The following PDGFRA variants were observed in gnomAD, a reference collection of about 807,000 sequenced individuals.
PDGFRA encodes the protein platelet derived growth factor receptor alpha, also known as platelet-derived growth factor receptor alpha.
PDGFRA carries 25 observed loss-of-function variants against 121.5 expected under a neutral mutation model. The ratio of observed to expected loss-of-function variants is 0.21; its 90% confidence interval spans 0.15 to 0.29. PDGFRA has a LOEUF of 0.29. PDGFRA is among the 10% of genes least tolerant of loss of function. The pLI is 1.00. For synonymous variants in PDGFRA, 463 were observed against 494.8 expected (o/e 0.94, Z 0.85); for missense variants, 1,008 against 1,345.1 (o/e 0.75, Z 3.92).
chr4:54,283,587 T>G (rs1157110681), intron 16 of PDGFRA, among the ~76,000 whole-genome samples: 1 of 152,258 alleles, frequency 6.6e-6, no homozygotes, highest in Non-Finnish European at 1.5e-5. Context: ...CTGAAATGCC[T>G]TAAAGGCCTT....
At chr4:54,264,205 A>G (rs898947946) in intron 4 of PDGFRA, 3 of 521,894 alleles carry the variant, frequency 5.7e-6, no homozygotes, top group Middle Eastern at 5.1e-4. Context: ...TCTTACTTTC[A>G]TTCACATTCC....
At chr4:54,281,326 G>A (rs1724067725) in intron 16 of PDGFRA, among the ~76,000 whole-genome samples, 1 of 152,112 alleles carries the variant, frequency 6.6e-6, no homozygotes, top group South Asian at 2.1e-4. Flanking sequence ...ACATTGTTTT[G>A]GAAATTATTG....
At chr4:54,241,752 T>C (rs1383781007) in intron 1 of PDGFRA, among the ~76,000 whole-genome samples, 1 of 152,026 alleles carries the variant, frequency 6.6e-6, no homozygotes, top group Non-Finnish European at 1.5e-5. Context: ...TTTCATCATG[T>C]TTGTCAGGCT....
intron 2 of PDGFRA, among the ~76,000 whole-genome samples, chr4:54,259,586 C>T (rs1458891131): frequency 2.0e-5 from 3 of 152,186 alleles, no homozygotes; most frequent in Admixed American, 6.5e-5. Context: ...TGCAGATGTT[C>T]GCCATGAAAC....
intron 1 of PDGFRA, chr4:54,240,149 G>C (rs1397966818): frequency 4.2e-6 from 1 of 238,548 alleles, no homozygotes; most frequent in Admixed American, 4.5e-5. Context: ...CACTGCACCT[G>C]GCCTCTCTTT....
chr4:54,295,945 A>C lies in PDGFRA; in HGVS notation c.*673A>C, dbSNP rs1454435576. 1 of 233,196 alleles carries C rather than the reference A, an allele frequency of 4.3e-6. No individual in the cohort carries two copies. The highest frequency in any genetic ancestry group is 8.5e-6 in the Non-Finnish European group (1 of 117,956). 14.4% of individuals were successfully genotyped at this position (233,196 alleles called of 1,614,324 possible). A position where few individuals can be genotyped will look rare whatever the true frequency, so the allele number is the denominator to read the frequency against. Reference sequence around the variant, plus strand: ...CTATGTTTATAATACTACTACTGTTATCAGTAATGCTAAATGTGTAATAAT... The same window carrying C: ...CTATGTTTATAATACTACTACTGTTCTCAGTAATGCTAAATGTGTAATAAT... On this transcript the variant is annotated 3_prime_UTR_variant, in exon 23 of 23. Transcript: ENST00000257290.
rs1325715750 is a variant in PDGFRA at position 54,285,993 on chromosome 4, C to G, written c.2562+30C>G. On this transcript the variant is annotated intron_variant, in intron 18 of 22. Transcript: ENST00000257290. ...GTCCTCACTTCCCTCACTGGTCAGG[C>G]TCATCCTCCTTCACTTTAATCTCTA... is the stretch of plus-strand genomic sequence containing the variant. 3 of 1,609,072 alleles carry G rather than the reference C, an allele frequency of 1.9e-6. No individual in the cohort carries two copies. In the African/African-American group the frequency reaches 4.0e-5, roughly 22 times the overall value.
At chr4:54,293,429 C>A (rs866769266) in intron 22 of PDGFRA, among the ~76,000 whole-genome samples, 1 of 116,146 alleles carries the variant, frequency 8.6e-6, no homozygotes, top group African/African-American at 3.3e-5. Flanking sequence ...CCTAGAATTT[C>A]TTTTTTTTTT....
rs1320051704 is a variant in PDGFRA at position 54,271,624 on chromosome 4, C to T, written c.1238-770C>T. 5.5e-5 allele frequency among the ~76,000 whole-genome samples: 8 copies of T among 144,926 alleles called. No homozygotes were observed. In the East Asian group the frequency reaches 1.7e-3, roughly 30 times the overall value. ...TCTTTTCCTTTCCTTTCTCTCCTTC[C>T]TTCCCTCTTCCCTTTTTCCTTTCTC... On this transcript the variant is annotated intron_variant, in intron 8 of 22. Coordinates refer to ENST00000257290, the MANE Select transcript of PDGFRA (RefSeq NM_006206.6).
chr4:54,285,457 C>T lies in PDGFRA; in HGVS notation c.2410C>T (p.Arg804Ter), dbSNP rs1242960071. ...GTTGAGCTTCACCTATCAAGTTGCC[C>T]GAGGAATGGAGTTTTTGGCTTCAAA... is the stretch of plus-strand genomic sequence containing the variant. ...DLLSFTYQVA[R>*]GMEFLASKNC... Residue 804 changes from arginine (R) to a stop codon, truncating the protein, a stop_gained, in exon 17 of 23, where the codon CGA becomes TGA. Coordinates refer to ENST00000257290, the MANE Select transcript of PDGFRA (RefSeq NM_006206.6). LOFTEE classifies it high-confidence loss of function. The T allele has an allele frequency of 3.9e-6, 6 of 1,558,014 alleles. No individual in the cohort carries two copies. Among genetic ancestry groups the T allele is most frequent in the Non-Finnish European group, 5.3e-6 (6 of 1,129,070 alleles).
intron 2 of PDGFRA, among the ~76,000 whole-genome samples, chr4:54,259,500 C>T (rs1337675913): frequency 6.6e-6 from 1 of 152,126 alleles, no homozygotes; most frequent in Non-Finnish European, 1.5e-5. Context: ...AAAACTTTCC[C>T]ACCAAAAGGA....
rs1722684533 is a variant in PDGFRA, at chr4:54,261,197, G to C, written c.152G>C (p.Gly51Ala). ...LNSSFSLRCF[G>A]ESEVSWQYPM... ...TCATCCTTTTCTCTGAGATGCTTTG[G>C]GGAGAGTGAAGTGAGCTGGCAGTAC... The change falls in exon 3 of 23, where the codon GGG (glycine) becomes GCG (alanine). Residue 51 changes from glycine (G) to alanine (A), a missense_variant. Transcript: ENST00000257290. 2 of 1,614,126 alleles carry C rather than the reference G, an allele frequency of 1.2e-6. No individual in the cohort carries two copies.
intron 1 of PDGFRA, among the ~76,000 whole-genome samples, chr4:54,233,658 A>G (rs182264895): frequency 2.7e-3 from 406 of 152,192 alleles, no homozygotes; most frequent in African/African-American, 8.7e-3. Flanking sequence ...CGCCGGGTGG[A>G]CGAGAGGGGG....
Position 54,238,758 on chromosome 4 carries a change from G to T in PDGFRA, c.-13+9343G>T, listed in dbSNP as rs147120567. On this transcript the variant is annotated intron_variant, in intron 1 of 22. Transcript: ENST00000257290. The stretch of plus-strand genomic sequence containing the variant: ...AGGCAGGAAGATTGCTTGAGCCCAG[G>T]ATTTCAAGATGAGCCTGGACAACAT... Among the ~76,000 whole-genome samples, 12 of 152,266 alleles carry T rather than the reference G, an allele frequency of 7.9e-5. No individual in the cohort carries two copies. The East Asian group carries it at 2.3e-3, about 29-fold the overall frequency.
At chr4:54,245,075 A>G (rs1361053882) in intron 1 of PDGFRA, among the ~76,000 whole-genome samples, 1 of 152,232 alleles carries the variant, frequency 6.6e-6, no homozygotes, top group African/African-American at 2.4e-5. Context: ...ATGTGAAAAG[A>G]CCAAATCTAC....
chr4:54,287,625 A>G (rs1301995999), intron 19 of PDGFRA, 84 bp downstream of exon 19: 1 of 773,748 alleles, frequency 1.3e-6, no homozygotes, highest in Non-Finnish European at 2.4e-6. Flanking sequence ...CCCAGGATGT[A>G]GACAGTGTTA....
Position 54,272,457 on chromosome 4 carries a change from G to A in PDGFRA, c.1301G>A (p.Arg434Lys), listed in dbSNP as rs2110287112. The A allele has an allele frequency of 6.2e-7, 1 of 1,613,894 alleles. No individual in the cohort carries two copies. Among genetic ancestry groups the A allele is most frequent in the Non-Finnish European group, 8.5e-7 (1 of 1,179,846 alleles). The part of the protein sequence containing the change: ...HHGSTGGQTV[R>K]CTAEGTPLPD... ...GGCTCAACTGGGGGACAGACGGTGA[G>A]GTGCACAGCTGAAGGCACGCCGCTT... The change falls in exon 9 of 23, where the codon AGG (arginine) becomes AAG (lysine). Residue 434 changes from arginine (R) to lysine (K), a missense_variant. Around this residue, in one of 5 missense-constraint regions of PDGFRA, gnomAD observed 575 missense variants for 701.8 expected, o/e 0.82. Transcript: ENST00000257290.
intron 1 of PDGFRA, among the ~76,000 whole-genome samples, chr4:54,237,030 G>A (rs1166874334): frequency 1.3e-5 from 2 of 151,758 alleles, no homozygotes; most frequent in Admixed American, 6.6e-5. Flanking sequence ...GTGCAGTGGC[G>A]AGATCCTGGC....
intron 16 of PDGFRA, among the ~76,000 whole-genome samples, chr4:54,284,603 C>T (rs1339206803): frequency 7.3e-6 from 1 of 137,860 alleles, no homozygotes; most frequent in East Asian, 2.1e-4. Context: ...AGAGAGGTGC[C>T]ATACAGTTTT....
Sources: allele counts gnomAD v4.1 joint callset (sites outside exome capture counted in the v4.1 genomes callset), GRCh38; gene constraint gnomAD v4.1.1; regional missense constraint gnomAD v4.1.1; transcripts MANE v1.5; gene names NCBI Gene and HGNC (gene_info 2026-07-23, HGNC 2026-07-21).